Variants in PKP4 observed in about 807,000 individuals in gnomAD.
The protein encoded by PKP4 is plakophilin 4.
A neutral mutation model predicts 145.1 loss-of-function variants in PKP4; 90 were observed. That is an observed-to-expected ratio of 0.62 (90% CI 0.52 to 0.74). PKP4 has a LOEUF of 0.74. Among genes scored for constraint, PKP4 ranks in the 30% least tolerant of loss-of-function variants. The pLI is 0.00. For synonymous variants in PKP4, 563 were observed against 577.2 expected, an observed-to-expected ratio of 0.98 and a Z score of 0.35; for missense variants, 1,340 against 1,482.7, an observed-to-expected ratio of 0.90 and a Z score of 1.58.
chr2:158,491,690 C>T (rs562295601), intron 1 of PKP4, among the ~76,000 whole-genome samples: 1 of 151,990 alleles, frequency 6.6e-6, no homozygotes, highest in Non-Finnish European at 1.5e-5. Flanking sequence ...TCAAAATCAT[C>T]GTTTGTTCTC....
chr2:158,469,989 C>T (rs1177478883), intron 1 of PKP4, among the ~76,000 whole-genome samples: 1 of 152,056 alleles, frequency 6.6e-6, no homozygotes, highest in African/African-American at 2.4e-5. Flanking sequence ...TCGCTCTGCC[C>T]AACTCCAGAT....
intron 11 of PKP4, among the ~76,000 whole-genome samples, chr2:158,646,400 G>A (rs898603592): frequency 2.0e-5 from 3 of 152,186 alleles, no homozygotes; most frequent in Non-Finnish European, 4.4e-5. Context: ...AGTTCAAAAA[G>A]CCAAATGGCA....
chr2:158,666,001 A>G (rs1031064096), intron 15 of PKP4: 3 of 152,614 alleles, frequency 2.0e-5, no homozygotes, highest in Non-Finnish European at 4.4e-5. Flanking sequence ...CTTGATGGAG[A>G]CAGGTTCTCC....
intron 10 of PKP4, among the ~76,000 whole-genome samples, chr2:158,641,223 C>T (rs543202515): frequency 1.3e-5 from 2 of 151,946 alleles, no homozygotes; most frequent in African/African-American, 4.8e-5. Flanking sequence ...CTGTAATCCC[C>T]GCTACTCAGA....
At chr2:158,470,115 T>G (rs1691316075) in intron 1 of PKP4, among the ~76,000 whole-genome samples, 1 of 152,242 alleles carries the variant, frequency 6.6e-6, no homozygotes, top group Non-Finnish European at 1.5e-5. Context: ...CTCAGCAGGT[T>G]AGAACTGTGT....
At chr2:158,481,898 G>A (rs1395448205) in intron 1 of PKP4, among the ~76,000 whole-genome samples, 1 of 152,254 alleles carries the variant, frequency 6.6e-6, no homozygotes, top group East Asian at 1.9e-4. Flanking sequence ...TCACCTACTT[G>A]TATTATTGAA....
intron 2 of PKP4, among the ~76,000 whole-genome samples, chr2:158,541,134 G>C (rs2044490470): frequency 6.6e-6 from 1 of 152,110 alleles, no homozygotes; most frequent in Non-Finnish European, 1.5e-5. Flanking sequence ...AAATATTTCG[G>C]AAACATGTTT....
intron 1 of PKP4, 64 bp from the exon 2 acceptor site, chr2:158,533,116 A>G (rs932499106): frequency 4.1e-6 from 6 of 1,474,376 alleles, no homozygotes; most frequent in Non-Finnish European, 5.4e-6. Context: ...AACCATCTGT[A>G]AAGCCTTGGT....
chr2:158,499,150 C>A (rs1349024702), intron 1 of PKP4, among the ~76,000 whole-genome samples: 1 of 152,154 alleles, frequency 6.6e-6, no homozygotes. Context: ...GTTTATTATA[C>A]TATGGTGGTA....
At chr2:158,505,700 CAG>C (rs2040911513) in intron 1 of PKP4, among the ~76,000 whole-genome samples, 1 of 151,974 alleles carries the variant, frequency 6.6e-6, no homozygotes, top group Non-Finnish European at 1.5e-5. Flanking sequence ...TCATCAGGAT[CAG>C]AGTCAGGTCA....
intron 2 of PKP4, among the ~76,000 whole-genome samples, chr2:158,560,954 A>G (rs959899893): frequency 6.6e-6 from 1 of 152,196 alleles, no homozygotes; most frequent in Non-Finnish European, 1.5e-5. Context: ...GCCTTTAAAG[A>G]GGCTTACAAG....
intron 11 of PKP4, among the ~76,000 whole-genome samples, chr2:158,648,899 G>C (rs2055076806): frequency 2.3e-5 from 1 of 43,826 alleles, no homozygotes; most frequent in South Asian, 2.0e-3. Flanking sequence ...TAGAGAGTCT[G>C]AGGCAGGAAA....
chr2:158,615,811 A>T (rs1405191104), intron 4 of PKP4, among the ~76,000 whole-genome samples: 1 of 152,212 alleles, frequency 6.6e-6, no homozygotes, highest in East Asian at 1.9e-4. Context: ...GAAGTAGAAG[A>T]TACTTCGTTA....
intron 1 of PKP4, among the ~76,000 whole-genome samples, chr2:158,509,808 G>A (rs567905365): frequency 2.0e-5 from 3 of 152,212 alleles, no homozygotes; most frequent in Non-Finnish European, 4.4e-5. Context: ...TTAGCCAGGC[G>A]TGGTGGCACA....
At chr2:158,458,492 G>A (rs1573886023) in intron 1 of PKP4, among the ~76,000 whole-genome samples, 1 of 152,180 alleles carries the variant, frequency 6.6e-6, no homozygotes, top group African/African-American at 2.4e-5. Flanking sequence ...AGGGCTGTTG[G>A]CAAGTTTGGT....
At chr2:158,574,720 T>G (rs549159475) in intron 2 of PKP4, among the ~76,000 whole-genome samples, 1 of 152,358 alleles carries the variant, frequency 6.6e-6, no homozygotes, top group African/African-American at 2.4e-5. Flanking sequence ...CTTTTGGCAC[T>G]TTAATGAAGT....
chr2:158,476,476 A>G (rs1692495824), intron 1 of PKP4, among the ~76,000 whole-genome samples: 1 of 152,150 alleles, frequency 6.6e-6, no homozygotes, highest in African/African-American at 2.4e-5. Flanking sequence ...GACTACAGGC[A>G]TACACCACCC....
At chr2:158,478,126 T>C (rs1041236584) in intron 1 of PKP4, among the ~76,000 whole-genome samples, 1 of 152,148 alleles carries the variant, frequency 6.6e-6, no homozygotes, top group Admixed American at 6.5e-5. Flanking sequence ...TGAAGCTTAA[T>C]GTTAACCTCA....
chr2:158,576,429 T>A (rs1018285424), intron 2 of PKP4, among the ~76,000 whole-genome samples: 6 of 152,224 alleles, frequency 3.9e-5, no homozygotes, highest in Non-Finnish European at 8.8e-5. Context: ...CTTGAGATGC[T>A]ATTTGTAGCT....
Sources: gnomAD v4.1 joint callset for allele counts (sites outside exome capture counted in the v4.1 genomes callset) on GRCh38, gnomAD v4.1.1 for gene constraint, MANE v1.5 for transcripts, NCBI Gene and HGNC (gene_info 2026-07-23, HGNC 2026-07-21) for gene names.